PREX1: variants seen among roughly 807,000 people sequenced by gnomAD.
PREX1 encodes phosphatidylinositol-3,4,5-trisphosphate dependent Rac exchange factor 1.
PREX1 carries 41 observed loss-of-function variants against 198.3 expected under a neutral mutation model. The observed-to-expected ratio is 0.21, with a 90% CI of 0.16 to 0.27. The LOEUF (loss-of-function observed/expected upper bound fraction) is 0.27. Ranked by LOEUF, PREX1 falls within the 10% of genes least tolerant of loss-of-function variation. The probability of loss-of-function intolerance (pLI) is 1.00; values close to 1 mark genes in which losing one functional copy is unlikely to be tolerated. For missense variants in PREX1, 1,620 were observed against 2,200.7 expected (o/e 0.74, Z 5.28); for synonymous variants, 843 against 887.2 (o/e 0.95, Z 0.89).
chr20:48,634,108 ATGCC>A (rs1184426621), intron 33 of PREX1, among the ~76,000 whole-genome samples: 8 of 146,892 alleles, frequency 5.4e-5, no homozygotes, highest in South Asian at 4.4e-4. Flanking sequence ...GGATGCATGG[ATGCC>A]TGGATGGATG....
chr20:48,769,215 G>A (rs1019876183), intron 1 of PREX1, among the ~76,000 whole-genome samples: 3 of 152,090 alleles, frequency 2.0e-5, no homozygotes, highest in Admixed American at 6.6e-5. Flanking sequence ...AAGAAGATTC[G>A]GGAACAGGAA....
At chr20:48,664,374 GAA>G (rs11476844) in intron 15 of PREX1, among the ~76,000 whole-genome samples, 27 of 137,274 alleles carry the variant, frequency 2.0e-4, no homozygotes, top group African/African-American at 6.5e-4. Flanking sequence ...GACTCCGTCT[GAA>G]AAAAAAAAAA....
At chr20:48,828,185 C>T (rs1027928340), upstream of PREX1, among the ~76,000 whole-genome samples, 1 of 150,828 alleles carries the variant, frequency 6.6e-6, no homozygotes, top group African/African-American at 2.4e-5. Flanking sequence ...CCTGGGGACG[C>T]GGCGCGGCGC....
At chr20:48,626,737 G>GT (rs1305981878) in intron 39 of PREX1, among the ~76,000 whole-genome samples, 2 of 152,252 alleles carry the variant, frequency 1.3e-5, no homozygotes, top group African/African-American at 2.4e-5. Context: ...CTGTGGTTAC[G>GT]TAAGACGTTG....
In PREX1 at chr20:48,629,493, G is replaced by A. The variant is rs1299573155; in HGVS notation, c.4722C>T (p.Arg1574=). 3.7e-6 allele frequency: 6 copies of A among 1,614,050 alleles called. No homozygotes were observed. In the South Asian group the frequency reaches 5.5e-5, roughly 15 times the overall value. Residue 1574 remains arginine, a synonymous_variant, in exon 37 of 40, where the codon CGC becomes CGT. Transcript: ENST00000371941. Reference sequence around the variant, plus strand: ...ACATGACCATCTGGCAGGCCCCCAGGCGGTAGCAGAGCTCCGAGGAGATGG... The same window carrying A: ...ACATGACCATCTGGCAGGCCCCCAGACGGTAGCAGAGCTCCGAGGAGATGG... ...LIPISSELCY[R]LGACQMVMCG... is the part of the protein sequence containing the mutation.
At chr20:48,812,578 A>G (rs1300070558) in intron 1 of PREX1, among the ~76,000 whole-genome samples, 1 of 152,066 alleles carries the variant, frequency 6.6e-6, no homozygotes, top group Non-Finnish European at 1.5e-5. Flanking sequence ...TAATTCTTAT[A>G]AGTATAGCTA....
chr20:48,659,385 G>A (rs2089572965), intron 16 of PREX1, among the ~76,000 whole-genome samples: 1 of 151,278 alleles, frequency 6.6e-6, no homozygotes, highest in African/African-American at 2.4e-5. Flanking sequence ...AGGGGAGTGA[G>A]AGGTTTAATT....
At chr20:48,791,428 A>G (rs2090338405) in intron 1 of PREX1, among the ~76,000 whole-genome samples, 1 of 152,230 alleles carries the variant, frequency 6.6e-6, no homozygotes, top group Admixed American at 6.5e-5. Context: ...ACAGAGGTCA[A>G]GTCATTTGCC....
chr20:48,792,034 C>A (rs1028315758), intron 1 of PREX1, among the ~76,000 whole-genome samples: 1 of 152,162 alleles, frequency 6.6e-6, no homozygotes, highest in African/African-American at 2.4e-5. Context: ...CCTGTGGGGG[C>A]TCACTTCTGT....
At chr20:48,732,081 G>A (rs1440287542) in intron 4 of PREX1, among the ~76,000 whole-genome samples, 3 of 152,212 alleles carry the variant, frequency 2.0e-5, no homozygotes, top group Non-Finnish European at 4.4e-5. Context: ...TCCATGTGGG[G>A]TCTTGCAGTA....
Position 48,650,916 on chromosome 20 carries a change from T to C in PREX1, c.2795A>G (p.Gln932Arg), listed in dbSNP as rs1485239828. Residue 932 changes from glutamine (Q) to arginine (R), a missense_variant, in exon 23 of 40, where the codon CAG becomes CGG. By Grantham distance (43) the Gln-to-Arg change is conservative. Coordinates refer to ENST00000371941, the MANE Select transcript of PREX1 (RefSeq NM_020820.4). Reference protein sequence around the residue: ...ICDTKLESIGQRIACYQEFAA... With the variant: ...ICDTKLESIGRRIACYQEFAA... ...CACCTCCTGGTAGCAGGCAATCCTC[T>C]GGCCAATGCTCTCCAGCTTGGTGTC... 5 of 1,614,096 alleles carry C rather than the reference T, an allele frequency of 3.1e-6. No homozygotes were observed. Among genetic ancestry groups the C allele is most frequent in the African/African-American group, 1.3e-5 (1 of 74,940 alleles).
At chr20:48,678,934 T>C (rs2089728044) in intron 13 of PREX1, among the ~76,000 whole-genome samples, 1 of 152,112 alleles carries the variant, frequency 6.6e-6, no homozygotes, top group South Asian at 2.1e-4. Context: ...CCCTGTGATA[T>C]GGAGGCGTTT....
intron 6 of PREX1, among the ~76,000 whole-genome samples, chr20:48,704,771 G>T (rs2089894574): frequency 6.6e-6 from 1 of 152,208 alleles, no homozygotes; most frequent in South Asian, 2.1e-4. Flanking sequence ...GGCCAGGCTG[G>T]TCTCAAACTC....
intron 1 of PREX1, among the ~76,000 whole-genome samples, chr20:48,749,388 A>G (rs1483285356): frequency 6.6e-6 from 1 of 152,148 alleles, no homozygotes; most frequent in Non-Finnish European, 1.5e-5. Flanking sequence ...CCTGTCACAG[A>G]GCCCAGGTGC....
intron 1 of PREX1, among the ~76,000 whole-genome samples, chr20:48,763,052 T>C (rs1312104749): frequency 6.6e-6 from 1 of 152,230 alleles, no homozygotes; most frequent in Non-Finnish European, 1.5e-5. Context: ...AATTAGATGG[T>C]GGTACAACTC....
intron 1 of PREX1, among the ~76,000 whole-genome samples, chr20:48,802,480 G>A (rs959111992): frequency 6.6e-6 from 1 of 152,154 alleles, no homozygotes; most frequent in African/African-American, 2.4e-5. Context: ...TGGCTTCTCA[G>A]TGTCCAGGTC....
chr20:48,645,766 T>A (rs2089445878), intron 26 of PREX1, 85 bp downstream of exon 26: 13 of 1,447,094 alleles, frequency 9.0e-6, no homozygotes, highest in Non-Finnish European at 1.2e-5. Flanking sequence ...AAGTGTCCAC[T>A]GATTCTGATG....
At chr20:48,847,627 G>A in the PREX1 span, among the ~76,000 whole-genome samples, 1 of 152,042 alleles carries the variant, frequency 6.6e-6, no homozygotes, top group Admixed American at 6.6e-5. Context: ...CCAGGCTTTG[G>A]TGGTGTTTTT....
intron 1 of PREX1, among the ~76,000 whole-genome samples, chr20:48,798,524 G>T (rs1247140692): frequency 6.6e-6 from 1 of 152,138 alleles, no homozygotes; most frequent in African/African-American, 2.4e-5. Context: ...ACCCTCCTCA[G>T]CCTTCCCTCC....
Sources: gnomAD v4.1 joint callset for allele counts (sites outside exome capture counted in the v4.1 genomes callset) on GRCh38, gnomAD v4.1.1 for gene constraint, MANE v1.5 for transcripts, NCBI Gene and HGNC (gene_info 2026-07-23, HGNC 2026-07-21) for gene names.